DNM3: variants seen among roughly 807,000 people sequenced by gnomAD.
The protein encoded by DNM3 is dynamin 3, also known as dynamin-3.
In DNM3, 47 loss-of-function variants were observed where a neutral mutation model predicts 101.6. That is an observed-to-expected ratio of 0.46 (90% CI 0.37 to 0.59). DNM3 has a LOEUF of 0.59. Among genes scored for constraint, DNM3 ranks in the 20% least tolerant of loss-of-function variants. The pLI is 0.00. For synonymous variants in DNM3, 385 were observed against 387.9 expected (o/e 0.99, Z 0.09); for missense variants, 849 against 1,085.7 (o/e 0.78, Z 3.06).
At chr1:171,902,723 G>A (rs2038471237) in intron 1 of DNM3, among the ~76,000 whole-genome samples, 1 of 152,076 alleles carries the variant, frequency 6.6e-6, no homozygotes, top group Non-Finnish European at 1.5e-5. Context: ...TGTTGGTGAT[G>A]ACATGTTATG....
chr1:171,868,339 C>A (rs1221400309), intron 1 of DNM3, among the ~76,000 whole-genome samples: 2 of 152,054 alleles, frequency 1.3e-5, no homozygotes, highest in Non-Finnish European at 2.9e-5. Context: ...CAGCTCCTGG[C>A]ATGCCAGGCA....
intron 13 of DNM3, among the ~76,000 whole-genome samples, chr1:172,123,776 C>T (rs996561861): frequency 2.6e-5 from 4 of 152,146 alleles, no homozygotes; most frequent in South Asian, 4.1e-4. Context: ...CAACCCTCAG[C>T]GGTATTGCTC....
At chr1:172,232,553 A>G (rs1184272896) in intron 14 of DNM3, among the ~76,000 whole-genome samples, 1 of 152,214 alleles carries the variant, frequency 6.6e-6, no homozygotes, top group Non-Finnish European at 1.5e-5. Flanking sequence ...AGACATCTAC[A>G]GGACTCTCCA....
chr1:171,872,674 A>G (rs2035403815), intron 1 of DNM3, among the ~76,000 whole-genome samples: 1 of 152,124 alleles, frequency 6.6e-6, no homozygotes, highest in South Asian at 2.1e-4. Context: ...ACAGAATCAC[A>G]TTGCTTTTCT....
intron 11 of DNM3, among the ~76,000 whole-genome samples, chr1:172,074,590 T>C (rs1396052122): frequency 6.6e-6 from 1 of 152,098 alleles, no homozygotes; most frequent in African/African-American, 2.4e-5. Context: ...CCTTGTGATA[T>C]TTTGCTGAGA....
chr1:172,238,074 A>G (rs979117301), intron 14 of DNM3, among the ~76,000 whole-genome samples: 2 of 152,182 alleles, frequency 1.3e-5, no homozygotes, highest in South Asian at 2.1e-4. Flanking sequence ...CTATAAATAC[A>G]TTACTACCAC....
intron 13 of DNM3, among the ~76,000 whole-genome samples, chr1:172,095,575 A>T (rs2147840636): frequency 6.6e-6 from 1 of 152,284 alleles, no homozygotes. Context: ...TTGCCTATTA[A>T]GAGGCTCAAA....
At chr1:172,127,131 T>A (rs1352324929) in intron 13 of DNM3, among the ~76,000 whole-genome samples, 19 of 151,950 alleles carry the variant, frequency 1.3e-4, no homozygotes, top group Admixed American at 1.2e-3. Context: ...AACTTCATAC[T>A]CTCACTCTCC....
chr1:172,315,733 C>A (rs147473053), intron 16 of DNM3, among the ~76,000 whole-genome samples: 3,229 of 152,134 alleles, frequency 0.021, 51 homozygotes, highest in Non-Finnish European at 0.032. Context: ...AAATATGGGA[C>A]TATGTGAAAA....
At chr1:172,189,954 CA>C (rs1230779163) in intron 14 of DNM3, among the ~76,000 whole-genome samples, 1 of 151,742 alleles carries the variant, frequency 6.6e-6, no homozygotes, top group African/African-American at 2.4e-5. Flanking sequence ...AGGGTTCCAT[CA>C]CCATAATCAA....
chr1:171,864,592 G>T (rs2034522890), intron 1 of DNM3: 1 of 152,190 alleles, frequency 6.6e-6, no homozygotes, highest in Admixed American at 6.5e-5. Flanking sequence ...AGAAAAAGGG[G>T]CTTTCCTATT....
chr1:171,969,889 C>T (rs2043863842), intron 2 of DNM3, among the ~76,000 whole-genome samples: 1 of 152,044 alleles, frequency 6.6e-6, no homozygotes, highest in Non-Finnish European at 1.5e-5. Flanking sequence ...TACAGTTTAC[C>T]CAGAACAGTC....
chr1:172,158,376 G>C (rs1467955803), intron 14 of DNM3, among the ~76,000 whole-genome samples: 1 of 151,958 alleles, frequency 6.6e-6, no homozygotes, highest in Non-Finnish European at 1.5e-5. Context: ...GGTAGATCTG[G>C]AAAACAGAGA....
At position 172,045,777 on chromosome 1, in the gene DNM3, G is replaced by A. The variant is rs568636425; in HGVS notation, c.1196+1325G>A. On this transcript the variant is annotated intron_variant, in intron 9 of 20. Transcript: ENST00000627582. ...TAGATTGCCTCATACGAAGGAGGTGGCCCCTGCCTGTTGTCATTTGTGGTT... is the reference window on the plus strand; with the variant it reads ...TAGATTGCCTCATACGAAGGAGGTGACCCCTGCCTGTTGTCATTTGTGGTT... Among the ~76,000 whole-genome samples, 7 of 152,294 alleles carry A rather than the reference G, an allele frequency of 4.6e-5. No homozygotes were observed. The South Asian group carries it at 1.0e-3, about 23-fold the overall frequency.
At chr1:172,005,535 T>C (rs778874194) in intron 4 of DNM3, among the ~76,000 whole-genome samples, 1 of 152,004 alleles carries the variant, frequency 6.6e-6, no homozygotes, top group Non-Finnish European at 1.5e-5. Context: ...CGTCTAAGGC[T>C]CCTTGCACAT....
At chr1:171,939,573 T>G (rs1483624040) in intron 2 of DNM3, among the ~76,000 whole-genome samples, 1 of 152,200 alleles carries the variant, frequency 6.6e-6, no homozygotes, top group Non-Finnish European at 1.5e-5. Context: ...GACAAGTTCC[T>G]TAGTTTTAGG....
At chr1:171,852,184 A>G (rs2125001169) in intron 1 of DNM3, among the ~76,000 whole-genome samples, 1 of 152,352 alleles carries the variant, frequency 6.6e-6, no homozygotes, top group Middle Eastern at 3.4e-3. Flanking sequence ...TATACCACAT[A>G]AATCCCTTTC....
intron 20 of DNM3, among the ~76,000 whole-genome samples, chr1:172,405,356 T>C (rs1008974016): frequency 4.6e-5 from 7 of 151,888 alleles, no homozygotes; most frequent in African/African-American, 1.7e-4. Flanking sequence ...TAATCACAAG[T>C]AGGGTTACGT....
chr1:172,133,074 A>T (rs1166886202), intron 14 of DNM3: 1 of 1,447,832 alleles, frequency 6.9e-7, no homozygotes, highest in African/African-American at 1.4e-5. Flanking sequence ...ACTTATGAAG[A>T]TGAATTCCAG....
Sources: gnomAD v4.1 joint callset for allele counts (sites outside exome capture counted in the v4.1 genomes callset) on GRCh38, gnomAD v4.1.1 for gene constraint, MANE v1.5 for transcripts, NCBI Gene and HGNC (gene_info 2026-07-23, HGNC 2026-07-21) for gene names.